TMEM108: variants seen among roughly 807,000 people sequenced by gnomAD.
The protein encoded by TMEM108 is transmembrane protein 108, also known as cancer/testis antigen 124.
In TMEM108, 12 loss-of-function variants were observed where a neutral mutation model predicts 35.1. The ratio of observed to expected loss-of-function variants is 0.34; its 90% CI spans 0.22 to 0.55. The LOEUF is 0.55. Among genes scored for constraint, TMEM108 ranks in the 20% least tolerant of loss-of-function variants. TMEM108 has a pLI of 0.89. For missense variants in TMEM108, 680 were observed against 753.3 expected (o/e 0.90, Z 1.14); for synonymous variants, 287 against 308.6 (o/e 0.93, Z 0.73).
chr3:133,390,235 GAAC>G lies in TMEM108; in HGVS notation c.1510_1512del (p.Asn504del). On this transcript the variant is annotated inframe_deletion, in exon 5 of 6. Coordinates refer to ENST00000321871, the MANE Select transcript of TMEM108 (RefSeq NM_023943.4). ...GGAAGAAGAAGACCGCCAACCCGGAGAACAACCTGAGCTACTGGAACAACACCA... is the reference window on the plus strand; with the variant it reads ...GGAAGAAGAAGACCGCCAACCCGGAGAACCTGAGCTACTGGAACAACACCA... 6.2e-7 allele frequency: 1 copy of G among 1,614,196 alleles called. No individual in the cohort carries two copies. The highest frequency in any genetic ancestry group is 8.5e-7 in the Non-Finnish European group (1 of 1,180,036).
chr3:133,344,395 A>C (rs2071753729), intron 3 of TMEM108, among the ~76,000 whole-genome samples: 1 of 151,728 alleles, frequency 6.6e-6, no homozygotes, highest in Non-Finnish European at 1.5e-5. Context: ...ATCACAATAT[A>C]CTATTTTATA....
chr3:133,069,987 C>T (rs1416740181), intron 2 of TMEM108, among the ~76,000 whole-genome samples: 2 of 152,086 alleles, frequency 1.3e-5, no homozygotes, highest in African/African-American at 4.8e-5. Context: ...TATCAGAGCC[C>T]ACTGCTGCAT....
At chr3:133,308,365 G>C (rs971478775) in intron 3 of TMEM108, among the ~76,000 whole-genome samples, 1 of 151,868 alleles carries the variant, frequency 6.6e-6, no homozygotes, top group Admixed American at 6.6e-5. Context: ...TTTCTCTTGC[G>C]TGATTACCCT....
chr3:133,231,256 T>TA (rs1946149420), intron 3 of TMEM108, among the ~76,000 whole-genome samples: 3 of 152,284 alleles, frequency 2.0e-5, no homozygotes, highest in South Asian at 2.1e-4. Flanking sequence ...TTAATTTGGA[T>TA]AAAAAATCAT....
At chr3:133,104,586 G>A (rs1162675609) in intron 2 of TMEM108, among the ~76,000 whole-genome samples, 1 of 152,152 alleles carries the variant, frequency 6.6e-6, no homozygotes, top group Non-Finnish European at 1.5e-5. Context: ...CTGTTCAGAT[G>A]TAGGGCTCCT....
chr3:133,169,081 T>C (rs1478882771), intron 2 of TMEM108, among the ~76,000 whole-genome samples: 1 of 152,226 alleles, frequency 6.6e-6, no homozygotes, highest in Non-Finnish European at 1.5e-5. Flanking sequence ...GTGGCTTCAT[T>C]CTTGAAGTCA....
chr3:133,353,893 G>T (rs530631781), intron 3 of TMEM108, among the ~76,000 whole-genome samples: 2 of 152,290 alleles, frequency 1.3e-5, no homozygotes, highest in East Asian at 3.9e-4. Flanking sequence ...TAAGCACCAG[G>T]CAGGCACATG....
chr3:133,125,192 C>T (rs1469355007), intron 2 of TMEM108: 1 of 152,080 alleles, frequency 6.6e-6, no homozygotes, highest in Non-Finnish European at 1.5e-5. Context: ...CAGATTATGT[C>T]TTTATTTTAG....
At chr3:133,370,145 C>CTTTTT (rs3054623) in intron 3 of TMEM108, among the ~76,000 whole-genome samples, 14 of 126,818 alleles carry the variant, frequency 1.1e-4, no homozygotes, top group Non-Finnish European at 2.1e-4. Flanking sequence ...TTCAGACTCC[C>CTTTTT]TTTTTTTTTT....
At position 133,043,406 on chromosome 3, in the gene TMEM108, T is replaced by C. The variant is rs75786072; in HGVS notation, c.-165-2496T>C. On this transcript the variant is annotated intron_variant, in intron 1 of 5. Coordinates refer to ENST00000321871, the MANE Select transcript of TMEM108 (RefSeq NM_023943.4). Reference sequence around the variant, plus strand: ...AGGGGTAAGATATGGGGTAAACTTATTGAAGTTTGTAGGAACATTTTTACC... The same window carrying C: ...AGGGGTAAGATATGGGGTAAACTTACTGAAGTTTGTAGGAACATTTTTACC... Among the ~76,000 whole-genome samples the C allele has an allele frequency of 5.3e-5, 8 of 152,302 alleles. No homozygotes were observed. In the East Asian group the frequency reaches 1.5e-3, roughly 29 times the overall value.
At chr3:133,165,441 C>G (rs2107783811) in intron 2 of TMEM108, among the ~76,000 whole-genome samples, 2 of 152,018 alleles carry the variant, frequency 1.3e-5, no homozygotes, top group South Asian at 4.2e-4. Flanking sequence ...GATTACAGAT[C>G]TATAAAAAGA....
intron 2 of TMEM108, among the ~76,000 whole-genome samples, chr3:133,082,394 C>T (rs1302609481): frequency 2.0e-5 from 3 of 152,168 alleles, no homozygotes; most frequent in Non-Finnish European, 2.9e-5. Context: ...GACTCTCTGT[C>T]GTTGTATGCG....
At chr3:133,142,667 C>T (rs1944657253) in intron 2 of TMEM108, among the ~76,000 whole-genome samples, 1 of 152,208 alleles carries the variant, frequency 6.6e-6, no homozygotes, top group Admixed American at 6.5e-5. Flanking sequence ...CTTTTCTCCT[C>T]TCCCCATGTG....
chr3:133,046,064 A>G (rs960040904), intron 2 of TMEM108, 44 bp downstream of exon 2: 1 of 152,614 alleles, frequency 6.6e-6, no homozygotes, highest in Non-Finnish European at 1.5e-5. Context: ...TTGCTTTTCC[A>G]ATTCATAGAG....
intron 3 of TMEM108, among the ~76,000 whole-genome samples, chr3:133,295,580 G>T (rs1322103645): frequency 6.6e-6 from 1 of 152,202 alleles, no homozygotes; most frequent in African/African-American, 2.4e-5. Context: ...CAGAAGAGCA[G>T]AAGTGTGCAG....
At chr3:133,122,032 C>A (rs1170064774) in intron 2 of TMEM108, among the ~76,000 whole-genome samples, 4 of 152,114 alleles carry the variant, frequency 2.6e-5, no homozygotes, top group African/African-American at 9.7e-5. Context: ...ACATTTGCAG[C>A]TTTCTGTATT....
intron 3 of TMEM108, among the ~76,000 whole-genome samples, chr3:133,232,877 G>A (rs756100331): frequency 6.6e-4 from 101 of 152,176 alleles, no homozygotes; most frequent in Non-Finnish European, 1.3e-3. Flanking sequence ...GGGTGGTGAT[G>A]AGAGCCTTTA....
intron 2 of TMEM108, among the ~76,000 whole-genome samples, chr3:133,177,429 C>G (rs555952969): frequency 1.3e-5 from 2 of 152,318 alleles, no homozygotes; most frequent in African/African-American, 4.8e-5. Context: ...AAAATACTGG[C>G]AAACCAAATC....
chr3:133,067,580 C>T lies in TMEM108; in HGVS notation c.-47+21560C>T, dbSNP rs540873648. ...AGAACACATTTCAAGTGTCTTCAGTCGTGGTTCTCTATTAATTAGCTCAAC... is the reference window on the plus strand; with the variant it reads ...AGAACACATTTCAAGTGTCTTCAGTTGTGGTTCTCTATTAATTAGCTCAAC... On this transcript the variant is annotated intron_variant, in intron 2 of 5. Transcript: ENST00000321871. Among the ~76,000 whole-genome samples the T allele has an allele frequency of 5.9e-5, 9 of 152,286 alleles. No individual in the cohort carries two copies. In the South Asian group the frequency reaches 1.5e-3, roughly 25 times the overall value.
Sources: gnomAD v4.1 joint callset for allele counts (sites outside exome capture counted in the v4.1 genomes callset) on GRCh38, gnomAD v4.1.1 for gene constraint, MANE v1.5 for transcripts, NCBI Gene and HGNC (gene_info 2026-07-23, HGNC 2026-07-21) for gene names.